Variants in AGT observed in about 807,000 individuals in gnomAD.
AGT encodes the protein alpha-1 antiproteinase, antitrypsin.
In AGT, 26 loss-of-function variants were observed where a neutral mutation model predicts 28.1. The ratio of observed to expected loss-of-function variants is 0.92; its 90% CI spans 0.68 to 1.28. AGT has a LOEUF of 1.28. Among genes scored for constraint, AGT ranks in the 50% most tolerant of loss-of-function variants. The pLI, the probability that AGT is intolerant of heterozygous loss-of-function variation, is 0.00. For synonymous variants in AGT, 259 were observed against 259.6 expected (o/e 1.00, Z 0.02); for missense variants, 596 against 592.3 (o/e 1.01, Z -0.06).
At chr1:230,743,044 G>A (rs115843782) in intron 1 of AGT, among the ~76,000 whole-genome samples, 2,595 of 152,224 alleles carry the variant, frequency 0.017, 34 homozygotes, top group Non-Finnish European at 0.027. Context: ...AGGCTGGAGT[G>A]CCGTGGCTCG....
intron 3 of AGT, 106 bp from the exon 4 acceptor site, chr1:230,704,443 T>C: frequency 7.0e-7 from 1 of 1,429,734 alleles, no homozygotes; most frequent in Non-Finnish European, 9.6e-7. Context: ...ACGACAGGGA[T>C]GTTTGCTCCC....
At chr1:230,720,634 T>C (rs1388167025) in intron 1 of AGT, among the ~76,000 whole-genome samples, 1 of 152,246 alleles carries the variant, frequency 6.6e-6, no homozygotes, top group African/African-American at 2.4e-5. Flanking sequence ...TTCCTCTGAT[T>C]GATCCCCACC....
chr1:230,730,263 G>A (rs953104487), intron 1 of AGT, among the ~76,000 whole-genome samples: 2 of 151,632 alleles, frequency 1.3e-5, no homozygotes, highest in Non-Finnish European at 2.9e-5. Flanking sequence ...TAGTAGAGAT[G>A]GGTTTTTGCC....
rs894876282 is a variant in AGT at position 230,727,270 on chromosome 1, T to G, written c.-30-16417A>C. Among the ~76,000 whole-genome samples, 3 of 152,204 alleles carry G rather than the reference T, an allele frequency of 2.0e-5. No homozygotes were observed. In the East Asian group the frequency reaches 5.8e-4, roughly 29 times the overall value. On this transcript the variant is annotated intron_variant, in intron 1 of 4. Transcript: ENST00000681269. ...TAATGACCCCACTCTTGTCAGGAAT[T>G]GTTACTTATGCCTTAACCCATGGGT...
At chr1:230,720,414 C>A (rs887999993) in intron 1 of AGT, among the ~76,000 whole-genome samples, 1 of 152,212 alleles carries the variant, frequency 6.6e-6, no homozygotes, top group Non-Finnish European at 1.5e-5. Context: ...CTACCCCTTT[C>A]CCCTTTGTCC....
At chr1:230,714,140 T>G (rs5050), upstream of AGT, 25,667 of 151,786 alleles carry the variant, frequency 0.17, 2,246 homozygotes, top group Admixed American at 0.19. Flanking sequence ...CGGGTCACGA[T>G]GCCCTATTTA....
At chr1:230,708,461 C>T (rs1420697737) in intron 2 of AGT, among the ~76,000 whole-genome samples, 4 of 152,168 alleles carry the variant, frequency 2.6e-5, no homozygotes, top group Middle Eastern at 3.2e-3. Context: ...GGGCAACCCT[C>T]GGGCTGGCCT....
chr1:230,718,075 A>C (rs935361638), upstream of AGT, among the ~76,000 whole-genome samples: 1 of 152,058 alleles, frequency 6.6e-6, no homozygotes, highest in Non-Finnish European at 1.5e-5. Flanking sequence ...AGTAACTAGG[A>C]CTACAGGTGC....
chr1:230,729,838 T>C (rs1664018106), intron 1 of AGT, among the ~76,000 whole-genome samples: 1 of 152,062 alleles, frequency 6.6e-6, no homozygotes, highest in South Asian at 2.1e-4. Context: ...TACTCTTCTC[T>C]AACCTGTCTT....
intron 1 of AGT, among the ~76,000 whole-genome samples, chr1:230,741,886 C>T (rs1427175829): frequency 2.0e-5 from 3 of 152,160 alleles, no homozygotes; most frequent in Non-Finnish European, 2.9e-5. Context: ...TCAAACTAGG[C>T]TTTTAAAAGT....
chr1:230,711,816 T>TAAAAAAA (rs58359338), intron 1 of AGT, among the ~76,000 whole-genome samples: 2 of 136,278 alleles, frequency 1.5e-5, no homozygotes, highest in Admixed American at 7.2e-5. Context: ...GGACCACGTA[T>TAAAAAAA]AAAAAAAAAA....
chr1:230,717,124 G>A (rs1173547783), upstream of AGT, among the ~76,000 whole-genome samples: 3 of 148,982 alleles, frequency 2.0e-5, no homozygotes, highest in African/African-American at 7.4e-5. Flanking sequence ...TTGGGTCAAA[G>A]TGGCTGGGGC....
intron 1 of AGT, among the ~76,000 whole-genome samples, chr1:230,738,878 GTAATATTGTACACAGACAATA>G (rs1024926338): frequency 6.6e-6 from 1 of 152,060 alleles, no homozygotes; most frequent in Non-Finnish European, 1.5e-5. Context: ...AATAAACCCA[GTAATATTGTACACAGACAATA>G]TAAAAATCTC....
At chr1:230,707,363 T>C (rs1663417573) in intron 2 of AGT, among the ~76,000 whole-genome samples, 1 of 152,128 alleles carries the variant, frequency 6.6e-6, no homozygotes, top group African/African-American at 2.4e-5. Context: ...CACAGAACAG[T>C]CCCCTGGGCA....
intron 1 of AGT, among the ~76,000 whole-genome samples, chr1:230,739,053 T>C (rs1410875567): frequency 6.6e-6 from 1 of 152,110 alleles, no homozygotes; most frequent in Non-Finnish European, 1.5e-5. Flanking sequence ...TTTATCAATG[T>C]TCCCTCCAAT....
At chr1:230,733,061 C>T (rs1664096202) in intron 1 of AGT, among the ~76,000 whole-genome samples, 1 of 151,990 alleles carries the variant, frequency 6.6e-6, no homozygotes, top group Non-Finnish European at 1.5e-5. Flanking sequence ...GCAGGTGGAT[C>T]ATCTGAGGTC....
chr1:230,742,813 G>A (rs148478772), intron 1 of AGT, among the ~76,000 whole-genome samples: 65 of 152,276 alleles, frequency 4.3e-4, no homozygotes, highest in African/African-American at 1.5e-3. Flanking sequence ...ACCATGAAAT[G>A]AGCAAGCTGG....
At chr1:230,712,618 C>A (rs1359996911) in intron 1 of AGT, among the ~76,000 whole-genome samples, 1 of 152,214 alleles carries the variant, frequency 6.6e-6, no homozygotes, top group South Asian at 2.1e-4. Flanking sequence ...GCCTGACAAG[C>A]GCCAACTGTT....
chr1:230,737,155 C>T (rs1418677911), intron 1 of AGT, among the ~76,000 whole-genome samples: 1 of 152,142 alleles, frequency 6.6e-6, no homozygotes, highest in African/African-American at 2.4e-5. Flanking sequence ...AGTCCATTTT[C>T]TGAGTTCCCC....
Sources: allele counts gnomAD v4.1 joint callset (sites outside exome capture counted in the v4.1 genomes callset), GRCh38; gene constraint gnomAD v4.1.1; transcripts MANE v1.5; gene names NCBI Gene and HGNC (gene_info 2026-07-23, HGNC 2026-07-21).